The following PHF2 variants were observed in gnomAD, a reference collection of about 807,000 sequenced individuals.
PHF2 encodes the protein lysine-specific demethylase PHF2.
Under a neutral mutation model 120.5 loss-of-function variants are expected in PHF2, and 27 were observed. That is an observed-to-expected ratio of 0.22 (90% CI 0.17 to 0.31). The LOEUF (loss-of-function observed/expected upper bound fraction) is 0.31. PHF2 is among the 10% of genes least tolerant of loss of function. PHF2 has a pLI of 1.00. For synonymous variants in PHF2, 568 were observed against 592.5 expected, an observed-to-expected ratio of 0.96 and a Z score of 0.60; for missense variants, 1,024 against 1,434.8, an observed-to-expected ratio of 0.71 and a Z score of 4.63.
intron 4 of PHF2, 53 bp downstream of exon 4, chr9:93,645,842 A>G (rs1164335442): frequency 1.3e-6 from 2 of 1,511,854 alleles, no homozygotes; most frequent in Non-Finnish European, 1.8e-6. Context: ...GAGTGCTGGG[A>G]CACCCACCAC....
At chr9:93,666,760 C>T (rs1367072169) in intron 16 of PHF2, among the ~76,000 whole-genome samples, 1 of 152,110 alleles carries the variant, frequency 6.6e-6, no homozygotes, top group African/African-American at 2.4e-5. Context: ...GAAACCCCAT[C>T]TCTACTAAAA....
At position 93,659,496 on chromosome 9, in the gene PHF2, C is replaced by T. The variant is rs764009924; in HGVS notation, c.1240-15C>T. 17 of 1,611,466 alleles carry T rather than the reference C, an allele frequency of 1.1e-5. No homozygotes were observed. The highest frequency in any genetic ancestry group is 1.4e-5 in the Non-Finnish European group (16 of 1,177,874). ...GAGGTGTCTGGTGCTGACCCTGGGTCCGGTTGTCCTGCAGGCTTTGGCAGA... is the reference window on the plus strand; with the variant it reads ...GAGGTGTCTGGTGCTGACCCTGGGTTCGGTTGTCCTGCAGGCTTTGGCAGA... On this transcript the variant is annotated splice_polypyrimidine_tract_variant and intron_variant, in intron 10 of 21. Transcript: ENST00000359246.
intron 1 of PHF2, among the ~76,000 whole-genome samples, chr9:93,582,566 A>C (rs544221263): frequency 3.9e-5 from 6 of 152,232 alleles, no homozygotes; most frequent in Non-Finnish European, 7.4e-5. Context: ...AGGTGGCCCT[A>C]GCTGTGAGGT....
intron 7 of PHF2, among the ~76,000 whole-genome samples, chr9:93,654,845 C>T (rs961312914): frequency 4.6e-5 from 7 of 152,216 alleles, no homozygotes; most frequent in Admixed American, 1.3e-4. Flanking sequence ...TCCTCACCAC[C>T]GAGGCCACCT....
intron 1 of PHF2, among the ~76,000 whole-genome samples, chr9:93,599,304 G>A (rs1332873024): frequency 1.3e-5 from 2 of 152,232 alleles, no homozygotes; most frequent in African/African-American, 2.4e-5. Context: ...TGGCACTGGT[G>A]TGGCTGGAGA....
At chr9:93,593,695 C>T (rs1015429240) in intron 1 of PHF2, among the ~76,000 whole-genome samples, 2 of 152,152 alleles carry the variant, frequency 1.3e-5, no homozygotes, top group African/African-American at 4.8e-5. Context: ...TGACAGTGTC[C>T]TCTTGTAAAT....
Position 93,656,056 on chromosome 9 carries a change from G to A in PHF2, c.1040+35G>A, listed in dbSNP as rs1383479708. On this transcript the variant is annotated intron_variant, in intron 8 of 21. Coordinates refer to ENST00000359246, the MANE Select transcript of PHF2 (RefSeq NM_005392.4). This position sits in a 1 kb window ranked among gnomAD's most constrained non-coding sequence, Gnocchi z 4.1. ...GCCGCGCTGTCTGCCCTCGGGCTCC[G>A]CAGAGCAGCGTCCTCCCTCTAGCTG... The A allele has an allele frequency of 9.7e-6, 15 of 1,552,870 alleles. 1 individual carries two copies. The highest frequency in any genetic ancestry group is 3.4e-4 in the Middle Eastern group (2 of 5,936).
chr9:93,611,436 C>A (rs2131627551), intron 1 of PHF2, among the ~76,000 whole-genome samples: 1 of 151,362 alleles, frequency 6.6e-6, no homozygotes, highest in South Asian at 2.1e-4. Flanking sequence ...AAAGAGTATT[C>A]TTTTTAAAGT....
At chr9:93,627,685 T>C (rs887522813) in intron 1 of PHF2, among the ~76,000 whole-genome samples, 4 of 152,190 alleles carry the variant, frequency 2.6e-5, no homozygotes, top group Non-Finnish European at 4.4e-5. Context: ...TTCCCCTCTA[T>C]TCCTAGTTTG....
rs145448688 is a variant in PHF2, at chr9:93,601,848, G to A, written c.98+24977G>A. Among the ~76,000 whole-genome samples the A allele has an allele frequency of 2.2e-3, 341 of 152,184 alleles. 2 individuals are homozygous for A. Among genetic ancestry groups the A allele is most frequent in the African/African-American group, 7.9e-3 (326 of 41,514 alleles). On this transcript the variant is annotated intron_variant, in intron 1 of 21. Transcript: ENST00000359246. ...ATGAGGGTGACAAGCAATGGGAGGA[G>A]GCTTGTGGCTTGTGGAAATGGAAGG...
chr9:93,588,442 C>G (rs1184017216), intron 1 of PHF2, among the ~76,000 whole-genome samples: 1 of 152,116 alleles, frequency 6.6e-6, no homozygotes, highest in Non-Finnish European at 1.5e-5. Context: ...AAAGTTAAGC[C>G]AGCAACGAGA....
At chr9:93,580,431 G>A (rs753852093) in intron 1 of PHF2, among the ~76,000 whole-genome samples, 12 of 152,174 alleles carry the variant, frequency 7.9e-5, no homozygotes, top group Non-Finnish European at 7.3e-5. Flanking sequence ...CACTTGGGCC[G>A]TACACTGTGT....
intron 1 of PHF2, among the ~76,000 whole-genome samples, chr9:93,604,336 CTTTT>C (rs1171344507): frequency 7.6e-6 from 1 of 131,716 alleles, no homozygotes. Flanking sequence ...AGCGAGACTT[CTTTT>C]TTTTTTTTTT....
intron 17 of PHF2, among the ~76,000 whole-genome samples, chr9:93,671,350 T>G (rs1256978208): frequency 1.3e-5 from 1 of 74,264 alleles, no homozygotes; most frequent in African/African-American, 5.4e-5. Context: ...GGGAGTAGGG[T>G]CAGGTGTAGA....
chr9:93,679,473 C>A lies in PHF2; in HGVS notation c.*1797C>A. 3.3e-6 allele frequency: 1 copy of A among 304,374 alleles called. No homozygotes were observed. 18.9% of individuals were successfully genotyped at this position (304,374 alleles called of 1,614,324 possible). A position where few individuals can be genotyped will look rare whatever the true frequency, so the allele number is the denominator to read the frequency against. On this transcript the variant is annotated 3_prime_UTR_variant, in exon 22 of 22. Transcript: ENST00000359246. ...ACATTTCTAACAAAGTTTATCGTGG[C>A]TATTAAAGTGTTTTATTTCCCAATT...
intron 11 of PHF2, 92 bp downstream of exon 11, chr9:93,659,692 A>G: frequency 8.4e-7 from 1 of 1,193,136 alleles, no homozygotes; most frequent in Non-Finnish European, 1.2e-6. Context: ...CCTAACACAG[A>G]GCTGCCAGGT....
At chr9:93,580,094 C>G in intron 1 of PHF2, among the ~76,000 whole-genome samples, 1 of 152,162 alleles carries the variant, frequency 6.6e-6, no homozygotes, top group Non-Finnish European at 1.5e-5. Context: ...TTGAAGCCCC[C>G]CTCTGTCCTT....
At chr9:93,631,888 A>G (rs540215916) in intron 2 of PHF2, among the ~76,000 whole-genome samples, 192 of 152,194 alleles carry the variant, frequency 1.3e-3, no homozygotes, top group Non-Finnish European at 2.2e-3. Context: ...TCAGACTGGT[A>G]GAAAAGAAAG....
chr9:93,604,994 G>T (rs1825513659), intron 1 of PHF2, among the ~76,000 whole-genome samples: 1 of 152,100 alleles, frequency 6.6e-6, no homozygotes, highest in Non-Finnish European at 1.5e-5. Flanking sequence ...TCTTCTACGT[G>T]ATTTATTTTT....
Sources: allele counts gnomAD v4.1 joint callset (sites outside exome capture counted in the v4.1 genomes callset), GRCh38; gene constraint gnomAD v4.1.1; non-coding constraint Gnocchi (gnomAD v3.1); transcripts MANE v1.5; gene names NCBI Gene and HGNC (gene_info 2026-07-23, HGNC 2026-07-21).